Variants in EHHADH observed in about 807,000 individuals in gnomAD.
The protein encoded by EHHADH is enoyl-CoA hydratase and 3-hydroxyacyl CoA dehydrogenase.
In EHHADH, 48 loss-of-function variants were observed where a neutral mutation model predicts 64.4. The observed-to-expected ratio is 0.75, with a 90% confidence interval of 0.59 to 0.95. The LOEUF (loss-of-function observed/expected upper bound fraction) is 0.95. Ranked by LOEUF, EHHADH falls within the 40% of genes least tolerant of loss-of-function variation. The pLI is 0.00. For synonymous variants in EHHADH, 308 were observed against 326.7 expected, an observed-to-expected ratio of 0.94 and a Z score of 0.62; for missense variants, 854 against 876.6, an observed-to-expected ratio of 0.97 and a Z score of 0.33.
At chr3:185,197,913 C>T (rs143754331) in intron 6 of EHHADH, among the ~76,000 whole-genome samples, 2 of 152,162 alleles carry the variant, frequency 1.3e-5, no homozygotes, top group East Asian at 3.9e-4. Context: ...TCTCCTGCCT[C>T]AGCCTCCCAA....
At chr3:185,197,850 G>T (rs1718107346) in intron 6 of EHHADH, among the ~76,000 whole-genome samples, 2 of 152,158 alleles carry the variant, frequency 1.3e-5, no homozygotes, top group African/African-American at 4.8e-5. Flanking sequence ...AGACTGGAGT[G>T]CAGTGGCGTG....
chr3:185,199,634 C>G (rs1353689182), intron 6 of EHHADH, among the ~76,000 whole-genome samples: 1 of 152,184 alleles, frequency 6.6e-6, no homozygotes, highest in Non-Finnish European at 1.5e-5. Context: ...CATTTTGTGG[C>G]ACATGAAAAA....
At position 185,217,547 on chromosome 3, in the gene EHHADH, G is replaced by GAAAA. The variant is rs755192275; in HGVS notation, c.568+585_568+588dup. Among the ~76,000 whole-genome samples the GAAAA allele has an allele frequency of 4.3e-4, 38 of 88,048 alleles. 1 individual carries two copies. Among genetic ancestry groups the GAAAA allele is most frequent in the African/African-American group, 1.3e-3 (29 of 22,002 alleles). The allele number at this position is 88,048 out of a possible 152,430, so 57.8% of individuals were successfully genotyped here. On this transcript the variant is annotated intron_variant, in intron 5 of 6. Coordinates refer to ENST00000231887, the MANE Select transcript of EHHADH (RefSeq NM_001966.4). Reference sequence around the variant, plus strand: ...GGCAACAGAGCGGGACTCTGTCTCAGAAAAAAAAAAAAAAAAAAAGAGTTT... The same window carrying GAAAA: ...GGCAACAGAGCGGGACTCTGTCTCAGAAAAAAAAAAAAAAAAAAAAAAAGAGTTT...
rs1022316342 is a variant in EHHADH at position 185,204,657 on chromosome 3, C to T, written c.669G>A (p.Gln223=). 1 of 1,614,222 alleles carries T rather than the reference C, an allele frequency of 6.2e-7. No individual in the cohort carries two copies. Among genetic ancestry groups the T allele is most frequent in the Admixed American group, 1.7e-5 (1 of 60,022 alleles). ...FSEALLKMRR[Q]HPGCLAQEAC... is the part of the protein sequence containing the mutation. The stretch of plus-strand genomic sequence containing the variant: ...CCTCCTGTGCAAGACACCCAGGGTG[C>T]TGCCTCCGCATCTTCAAGAGGGCCT... Residue 223 remains glutamine (Q), a synonymous_variant, in exon 6 of 7, where the codon CAG becomes CAA. Coordinates refer to ENST00000231887, the MANE Select transcript of EHHADH (RefSeq NM_001966.4).
chr3:185,244,151 G>A (rs1719529439), intron 2 of EHHADH, among the ~76,000 whole-genome samples: 1 of 152,076 alleles, frequency 6.6e-6, no homozygotes, highest in Non-Finnish European at 1.5e-5. Flanking sequence ...TGCTTTATCT[G>A]ATGTAAATAT....
intron 1 of EHHADH, chr3:185,253,722 C>G: frequency 9.9e-7 from 1 of 1,006,990 alleles, no homozygotes; most frequent in Non-Finnish European, 1.3e-6. Context: ...AAAACGGGGA[C>G]GAGAGTTCCC....
chr3:185,245,676 A>T lies in EHHADH; in HGVS notation c.178+2738T>A, dbSNP rs532801505. 553 of 715,104 alleles carry T rather than the reference A, an allele frequency of 7.7e-4. 1 individual carries two copies. The highest frequency in any genetic ancestry group is 1.2e-3 in the Non-Finnish European group (476 of 391,224). The allele number at this position is 715,104 out of a possible 1,614,324, so 44.3% of individuals were successfully genotyped here. A position where few individuals can be genotyped will look rare whatever the true frequency, so the allele number is the denominator to read the frequency against. On this transcript the variant is annotated intron_variant, in intron 2 of 6. Coordinates refer to ENST00000231887, the MANE Select transcript of EHHADH (RefSeq NM_001966.4). Reference sequence around the variant, plus strand: ...ACATTTTCTATCTGTTTTTGTTGGAATCTTCCTTTACAAGTTGGTTATTAC... The same window carrying T: ...ACATTTTCTATCTGTTTTTGTTGGATTCTTCCTTTACAAGTTGGTTATTAC...
At chr3:185,203,329 A>G (rs988215339) in intron 6 of EHHADH, among the ~76,000 whole-genome samples, 1 of 152,140 alleles carries the variant, frequency 6.6e-6, no homozygotes, top group Non-Finnish European at 1.5e-5. Flanking sequence ...AATTTTTTGT[A>G]CTATTATAAC....
intron 3 of EHHADH, among the ~76,000 whole-genome samples, chr3:185,230,460 A>T (rs1416883158): frequency 1.3e-5 from 2 of 152,250 alleles, no homozygotes; most frequent in Admixed American, 6.5e-5. Context: ...AAGGTAGTAC[A>T]TCCATACAAT....
At chr3:185,208,271 C>T (rs1183371458) in intron 5 of EHHADH, among the ~76,000 whole-genome samples, 1 of 152,198 alleles carries the variant, frequency 6.6e-6, no homozygotes, top group Non-Finnish European at 1.5e-5. Flanking sequence ...CTGAATCCTA[C>T]CAACAACCGC....
At chr3:185,232,353 T>C (rs1430627443) in intron 3 of EHHADH, among the ~76,000 whole-genome samples, 1 of 152,248 alleles carries the variant, frequency 6.6e-6, no homozygotes, top group Non-Finnish European at 1.5e-5. Flanking sequence ...TGTATTTATT[T>C]GTAAGCATTT....
At chr3:185,250,334 C>T (rs1719711656) in intron 1 of EHHADH, among the ~76,000 whole-genome samples, 1 of 152,154 alleles carries the variant, frequency 6.6e-6, no homozygotes, top group Non-Finnish European at 1.5e-5. Flanking sequence ...AGGGCAGATC[C>T]TCTGGATATA....
chr3:185,199,657 C>CA (rs1210510746), intron 6 of EHHADH, among the ~76,000 whole-genome samples: 18 of 152,358 alleles, frequency 1.2e-4, no homozygotes, highest in Admixed American at 1.1e-3. Context: ...ATATCGTATT[C>CA]AAAATTCAGT....
At position 185,192,798 on chromosome 3, in the gene EHHADH, T is replaced by C; in HGVS notation, c.1600A>G (p.Arg534Gly). Residue 534 changes from arginine (R) to glycine (G), a missense_variant, in exon 7 of 7, where the codon AGA (arginine) becomes GGA (glycine). Arg to Gly is a moderately radical substitution (Grantham distance 125). Coordinates refer to ENST00000231887, the MANE Select transcript of EHHADH (RefSeq NM_001966.4). Reference sequence around the variant, plus strand: ...GGTCCAGTAAGACCTTGCCCCTTTCTAGATTTCCAGCCCACATCCAACCCA... The same window carrying C: ...GGTCCAGTAAGACCTTGCCCCTTTCCAGATTTCCAGCCCACATCCAACCCA... ...LAGLDVGWKSRKGQGLTGPTL... is the reference protein window; with the variant it reads ...LAGLDVGWKSGKGQGLTGPTL... The C allele has an allele frequency of 6.2e-7, 1 of 1,614,162 alleles. No homozygotes were observed. The highest frequency in any genetic ancestry group is 8.5e-7 in the Non-Finnish European group (1 of 1,180,028).
intron 6 of EHHADH, among the ~76,000 whole-genome samples, chr3:185,203,121 T>C (rs1718277919): frequency 6.6e-6 from 1 of 152,108 alleles, no homozygotes; most frequent in Non-Finnish European, 1.5e-5. Flanking sequence ...ATAAGGGCTA[T>C]AGACTAAATA....
In EHHADH at chr3:185,193,077, T is replaced by A. The variant is rs747707741; in HGVS notation, c.1321A>T (p.Lys441Ter). ...THFFSPAHVM[K>*]LLEVIPSQYS... ...TGGCTGGGAATAACCTCTAACAACT[T>A]CATGACATGAGCTGGCGAAAAGAAG... The change falls in exon 7 of 7, where the codon AAG becomes TAG. Residue 441 changes from lysine to a stop codon, truncating the protein, a stop_gained. Coordinates refer to ENST00000231887, the MANE Select transcript of EHHADH (RefSeq NM_001966.4). LOFTEE classifies it high-confidence loss of function. 6.2e-7 allele frequency: 1 copy of A among 1,613,948 alleles called. No individual in the cohort carries two copies. Among genetic ancestry groups the A allele is most frequent in the African/African-American group, 1.3e-5 (1 of 74,896 alleles).
At chr3:185,250,029 G>T (rs138245043) in intron 1 of EHHADH, among the ~76,000 whole-genome samples, 38 of 152,332 alleles carry the variant, frequency 2.5e-4, no homozygotes, top group African/African-American at 9.1e-4. Context: ...GGATGGTAGA[G>T]CAAGAGATAG....
At chr3:185,223,296 A>G (rs1387510977) in intron 4 of EHHADH, among the ~76,000 whole-genome samples, 2 of 152,126 alleles carry the variant, frequency 1.3e-5, no homozygotes, top group Non-Finnish European at 2.9e-5. Flanking sequence ...TATTGCTTCA[A>G]AAAGAAATTA....
chr3:185,240,995 A>G (rs1197619007), intron 2 of EHHADH, among the ~76,000 whole-genome samples: 1 of 147,188 alleles, frequency 6.8e-6, no homozygotes, highest in Non-Finnish European at 1.5e-5. Flanking sequence ...AGTCCATTGT[A>G]TCATTCTTAT....
Sources: allele counts gnomAD v4.1 joint callset (sites outside exome capture counted in the v4.1 genomes callset), GRCh38; gene constraint gnomAD v4.1.1; transcripts MANE v1.5; gene names NCBI Gene and HGNC (gene_info 2026-07-23, HGNC 2026-07-21).